The following SLC35D4 variants were observed in gnomAD, a reference collection of about 807,000 sequenced individuals.
SLC35D4 encodes UDP-N-acetylglucosamine transporter SLC35D4.
chr18:23,298,083 G>A, the SLC35D4 span: 1 of 1,613,086 alleles, frequency 6.2e-7, no homozygotes, highest in Non-Finnish European at 8.5e-7. Context: ...AACAACAGCA[G>A]AAGGTCAGCT....
At chr18:23,296,239 T>A in the SLC35D4 span, 1 of 152,038 alleles carries the variant, frequency 6.6e-6, no homozygotes, top group African/African-American at 2.4e-5. Flanking sequence ...ACTTAAAGTA[T>A]AATAATAAAA....
chr18:23,275,298 G>T, the SLC35D4 span, among the ~76,000 whole-genome samples: 4 of 152,110 alleles, frequency 2.6e-5, no homozygotes. Flanking sequence ...GGCCCCAGAG[G>T]ACTGCTCTGA....
the SLC35D4 span, among the ~76,000 whole-genome samples, chr18:23,397,004 C>T: frequency 6.6e-6 from 1 of 152,122 alleles, no homozygotes. Context: ...GCAGAACTCC[C>T]CAACTGCCTG....
the SLC35D4 span, among the ~76,000 whole-genome samples, chr18:23,427,665 C>G: frequency 6.6e-6 from 1 of 152,216 alleles, no homozygotes; most frequent in Non-Finnish European, 1.5e-5. Flanking sequence ...AATCCCATTA[C>G]TGGGTATATA....
At chr18:23,368,692 TA>T in the SLC35D4 span, 1 of 1,308,522 alleles carries the variant, frequency 7.6e-7, no homozygotes. Flanking sequence ...AATTGTTCTT[TA>T]AAAATGTAAA....
chr18:23,377,529 T>G, the SLC35D4 span: 115 of 941,016 alleles, frequency 1.2e-4, no homozygotes, highest in African/African-American at 1.9e-3. Flanking sequence ...ATATGAATGT[T>G]TATAATAAAT....
the SLC35D4 span, among the ~76,000 whole-genome samples, chr18:23,271,539 GAGCTTCTAAAA>G: frequency 6.6e-6 from 1 of 152,212 alleles, no homozygotes; most frequent in African/African-American, 2.4e-5. Flanking sequence ...GCATGACATA[GAGCTTCTAAAA>G]CTCTTGGAAT....
the SLC35D4 span, among the ~76,000 whole-genome samples, chr18:23,348,607 T>C: frequency 2.0e-5 from 3 of 152,238 alleles, no homozygotes; most frequent in South Asian, 6.2e-4. Context: ...TCTAGTAATA[T>C]TTCCTGTTAT....
the SLC35D4 span, among the ~76,000 whole-genome samples, chr18:23,339,234 A>G: frequency 6.6e-6 from 1 of 152,226 alleles, no homozygotes; most frequent in Non-Finnish European, 1.5e-5. Context: ...AAAAAGAGAG[A>G]TAAACAATCC....
chr18:23,360,979 G>T, the SLC35D4 span, among the ~76,000 whole-genome samples: 2 of 151,590 alleles, frequency 1.3e-5, no homozygotes, highest in African/African-American at 4.9e-5. Flanking sequence ...GCGGGCACTT[G>T]TAATCCTAGC....
At chr18:23,325,836 A>C in the SLC35D4 span, among the ~76,000 whole-genome samples, 356 of 152,198 alleles carry the variant, frequency 2.3e-3, 2 homozygotes, top group African/African-American at 8.1e-3. Context: ...GGGCCCCCCC[A>C]CCCCGTGTGG....
At chr18:23,309,821 C>T in the SLC35D4 span, 3 of 1,410,228 alleles carry the variant, frequency 2.1e-6, no homozygotes, top group South Asian at 2.3e-5. Flanking sequence ...TTTTCACAAG[C>T]TTAGCTCACT....
At chr18:23,343,798 A>G in the SLC35D4 span, among the ~76,000 whole-genome samples, 1 of 152,034 alleles carries the variant, frequency 6.6e-6, no homozygotes, top group African/African-American at 2.4e-5. Flanking sequence ...TCCCACTTAT[A>G]AGTGAGAACA....
the SLC35D4 span, among the ~76,000 whole-genome samples, chr18:23,332,567 T>C: frequency 2.8e-4 from 42 of 152,316 alleles, no homozygotes; most frequent in Non-Finnish European, 5.1e-4. Context: ...ATTTTCTCAA[T>C]TCCCCATTCT....
At chr18:23,356,345 G>A in the SLC35D4 span, among the ~76,000 whole-genome samples, 1 of 152,218 alleles carries the variant, frequency 6.6e-6, no homozygotes, top group East Asian at 1.9e-4. The surrounding 1 kb of genome is among the most constrained non-coding windows in gnomAD (Gnocchi z 4.1). Flanking sequence ...TAGAGCAAGC[G>A]CGAAAATCAC....
At chr18:23,404,675 A>G in the SLC35D4 span, among the ~76,000 whole-genome samples, 2 of 147,646 alleles carry the variant, frequency 1.4e-5, no homozygotes, top group Non-Finnish European at 3.0e-5. Flanking sequence ...GTGACAGAGC[A>G]AGACTCCATC....
chr18:23,344,621 A>C, the SLC35D4 span, among the ~76,000 whole-genome samples: 1 of 126,446 alleles, frequency 7.9e-6, no homozygotes, highest in African/African-American at 3.0e-5. Flanking sequence ...TTTTGTTTTG[A>C]GACAGAGTCT....
the SLC35D4 span, among the ~76,000 whole-genome samples, chr18:23,407,623 G>T: frequency 6.6e-6 from 1 of 151,544 alleles, no homozygotes; most frequent in African/African-American, 2.4e-5. Flanking sequence ...ACAAACATAT[G>T]AAAAATTATC....
the SLC35D4 span, among the ~76,000 whole-genome samples, chr18:23,437,315 T>A: frequency 6.6e-6 from 1 of 152,160 alleles, no homozygotes; most frequent in Non-Finnish European, 1.5e-5. Context: ...TACAAAAAAA[T>A]TGATTCGGGA....
Sources: gnomAD v4.1 joint callset for allele counts (sites outside exome capture counted in the v4.1 genomes callset) on GRCh38, gnomAD v4.1.1 for gene constraint, Gnocchi (gnomAD v3.1) non-coding constraint, MANE v1.5 for transcripts, NCBI Gene and HGNC (gene_info 2026-07-23, HGNC 2026-07-21) for gene names.